Variants in GLIS3 observed in about 807,000 individuals in gnomAD.
GLIS3 encodes the protein GLIS family zinc finger 3, also known as zinc finger protein GLIS3.
Under a neutral mutation model 78.6 loss-of-function variants are expected in GLIS3, and 53 were observed. That is an observed-to-expected ratio of 0.67 (90% CI 0.54 to 0.85). The LOEUF (loss-of-function observed/expected upper bound fraction) is 0.85. Among genes scored for constraint, GLIS3 ranks in the 40% least tolerant of loss-of-function variants. GLIS3 has a pLI of 0.00. For missense variants in GLIS3, 1,703 were observed against 1,231.1 expected, an observed-to-expected ratio of 1.38 and a Z score of -5.74; for synonymous variants, 684 against 509.9, an observed-to-expected ratio of 1.34 and a Z score of -4.60.
At chr9:4,205,974 T>C (rs544596332) in intron 2 of GLIS3, among the ~76,000 whole-genome samples, 1 of 152,246 alleles carries the variant, frequency 6.6e-6, no homozygotes, top group East Asian at 1.9e-4. Context: ...GTTCATTGTT[T>C]GTTTGTTTGC....
chr9:3,959,331 C>T (rs1817379806), intron 4 of GLIS3, among the ~76,000 whole-genome samples: 4 of 152,166 alleles, frequency 2.6e-5, no homozygotes, highest in Admixed American at 6.5e-5. Context: ...CCTTGATATT[C>T]GATTTCCCAG....
chr9:3,853,453 C>T (rs1819562271), intron 9 of GLIS3, among the ~76,000 whole-genome samples: 1 of 145,740 alleles, frequency 6.9e-6, no homozygotes, highest in Admixed American at 7.1e-5. Flanking sequence ...AAGTATTATA[C>T]CTGCCCTAGG....
At chr9:3,894,541 G>C (rs192975573) in intron 7 of GLIS3, among the ~76,000 whole-genome samples, 1 of 152,208 alleles carries the variant, frequency 6.6e-6, no homozygotes, top group East Asian at 1.9e-4. Context: ...GTTAAATCCT[G>C]TATAGATTTT....
chr9:4,202,119 C>A (rs922592670), intron 2 of GLIS3, among the ~76,000 whole-genome samples: 16 of 150,350 alleles, frequency 1.1e-4, no homozygotes, highest in Non-Finnish European at 1.5e-5. Flanking sequence ...GCCTGGGTGA[C>A]AGAGCAAGAC....
chr9:3,861,048 C>G (rs1012982451), intron 8 of GLIS3, among the ~76,000 whole-genome samples: 18 of 152,142 alleles, frequency 1.2e-4, no homozygotes, highest in Non-Finnish European at 2.5e-4. Flanking sequence ...TCAGGAATAT[C>G]AAAGTACTTA....
chr9:3,905,033 CG>C (rs377379540), intron 6 of GLIS3, among the ~76,000 whole-genome samples: 2,623 of 150,756 alleles, frequency 0.017, 90 homozygotes, highest in African/African-American at 0.06. Flanking sequence ...AGTGCAGTGG[CG>C]CGATCTCGGC....
At chr9:4,008,860 A>C (rs1330651349) in intron 4 of GLIS3, among the ~76,000 whole-genome samples, 2 of 151,934 alleles carry the variant, frequency 1.3e-5, no homozygotes, top group Non-Finnish European at 2.9e-5. Flanking sequence ...AGATGAGGAG[A>C]AGTGAGGTGC....
At position 4,321,290 on chromosome 9, in the gene GLIS3, C is replaced by T. The variant is rs377429540; in HGVS notation, n.265-10762G>A. On this transcript the variant is annotated intron_variant and non_coding_transcript_variant, in intron 2 of 4. Coordinates refer to the GLIS3 transcript ENST00000471664. ...AAAAAAAATTAGCCGGGAGTGGTGG[C>T]GGGCGCCTGTAGTCCCAGCTACTCG... is the stretch of plus-strand genomic sequence containing the variant. Among the ~76,000 whole-genome samples the T allele has an allele frequency of 1.4e-3, 186 of 129,140 alleles. 33 individuals are homozygous for T. The highest frequency in any genetic ancestry group is 3.7e-3 in the African/African-American group (98 of 26,144). 84.7% of individuals were successfully genotyped at this position (129,140 alleles called of 152,430 possible).
At chr9:4,196,799 A>T (rs1818898094) in intron 2 of GLIS3, among the ~76,000 whole-genome samples, 2 of 152,198 alleles carry the variant, frequency 1.3e-5, no homozygotes, top group South Asian at 4.1e-4. Flanking sequence ...AATTTCGGAC[A>T]CACAACTACA....
chr9:4,364,801 G>A, the GLIS3 span, among the ~76,000 whole-genome samples: 1 of 85,158 alleles, frequency 1.2e-5, no homozygotes, highest in Admixed American at 1.9e-4. Context: ...GTCCTGCTAT[G>A]TTGCCCTATT....
intron 2 of GLIS3, among the ~76,000 whole-genome samples, chr9:4,277,986 G>A (rs1032621159): frequency 2.0e-5 from 3 of 152,016 alleles, no homozygotes; most frequent in African/African-American, 7.2e-5. Flanking sequence ...AGATACATAG[G>A]AACACATTCA....
At chr9:3,931,339 G>GTGTT (rs1479080841) in intron 6 of GLIS3, among the ~76,000 whole-genome samples, 1 of 152,040 alleles carries the variant, frequency 6.6e-6, no homozygotes, top group Non-Finnish European at 1.5e-5. Context: ...CAACATAAAA[G>GTGTT]TGTTAAATCC....
At chr9:3,864,805 C>G (rs991199552) in intron 8 of GLIS3, among the ~76,000 whole-genome samples, 2 of 152,134 alleles carry the variant, frequency 1.3e-5, no homozygotes, top group African/African-American at 4.8e-5. Flanking sequence ...GCGTTTGGCT[C>G]TTATAGATGG....
the GLIS3 span, among the ~76,000 whole-genome samples, chr9:4,371,169 AGGCTT>A: frequency 8.5e-5 from 13 of 152,230 alleles, no homozygotes; most frequent in Admixed American, 8.5e-4. Flanking sequence ...CCTGGTTACT[AGGCTT>A]GGCAGCTCCT....
chr9:4,445,069 C>T, the GLIS3 span, among the ~76,000 whole-genome samples: 1 of 152,082 alleles, frequency 6.6e-6, no homozygotes, highest in Non-Finnish European at 1.5e-5. Flanking sequence ...TATGCATCAA[C>T]TCTGGGGAAT....
At chr9:4,369,626 T>A in the GLIS3 span, among the ~76,000 whole-genome samples, 1 of 152,116 alleles carries the variant, frequency 6.6e-6, no homozygotes, top group African/African-American at 2.4e-5. Flanking sequence ...CAAGCAGTTA[T>A]CCCTCTTAGC....
At chr9:4,034,821 C>G (rs1824171372) in intron 4 of GLIS3, 1 of 152,184 alleles carries the variant, frequency 6.6e-6, no homozygotes, top group East Asian at 1.9e-4. Context: ...CCTTCAGAAC[C>G]TGAATGTCAC....
At chr9:4,059,836 G>GTC (rs1826491350) in intron 4 of GLIS3, among the ~76,000 whole-genome samples, 1 of 141,820 alleles carries the variant, frequency 7.1e-6, no homozygotes, top group Non-Finnish European at 1.5e-5. Flanking sequence ...GTGTGAGAGA[G>GTC]AGAGAGAGAG....
chr9:3,987,562 C>G (rs921460979), intron 4 of GLIS3, among the ~76,000 whole-genome samples: 1 of 151,012 alleles, frequency 6.6e-6, no homozygotes, highest in Non-Finnish European at 1.5e-5. Context: ...ATTAGCTGGG[C>G]GTTGTGGTGG....
Sources: gnomAD v4.1 joint callset for allele counts (sites outside exome capture counted in the v4.1 genomes callset) on GRCh38, gnomAD v4.1.1 for gene constraint, MANE v1.5 for transcripts, NCBI Gene and HGNC (gene_info 2026-07-23, HGNC 2026-07-21) for gene names.